Variants in MACROD2 observed in about 807,000 individuals in gnomAD.
The protein encoded by MACROD2 is ADP-ribose glycohydrolase MACROD2.
A neutral mutation model predicts 70.4 loss-of-function variants in MACROD2; 36 were observed. The observed-to-expected ratio is 0.51, with a 90% confidence interval of 0.39 to 0.68. The LOEUF (loss-of-function observed/expected upper bound fraction) is 0.68. Among genes scored for constraint, MACROD2 ranks in the 30% least tolerant of loss-of-function variants. The probability of loss-of-function intolerance (pLI) is 0.00; values close to 1 mark genes in which losing one functional copy is unlikely to be tolerated. For synonymous variants in MACROD2, 172 were observed against 178.8 expected, an observed-to-expected ratio of 0.96 and a Z score of 0.30; for missense variants, 496 against 538.4, an observed-to-expected ratio of 0.92 and a Z score of 0.78.
chr20:15,081,662 G>A (rs888305978), intron 5 of MACROD2, among the ~76,000 whole-genome samples: 8 of 152,078 alleles, frequency 5.3e-5, no homozygotes, highest in South Asian at 2.1e-4. Context: ...AAGTTGACAC[G>A]CTATAACCAA....
chr20:14,279,895 G>A (rs1282782817), intron 3 of MACROD2, among the ~76,000 whole-genome samples: 1 of 152,040 alleles, frequency 6.6e-6, no homozygotes, highest in Non-Finnish European at 1.5e-5. Flanking sequence ...TGTCACATGG[G>A]GATTCAATCA....
chr20:15,898,150 A>ATC (rs936901492), intron 10 of MACROD2, among the ~76,000 whole-genome samples: 4 of 151,892 alleles, frequency 2.6e-5, no homozygotes, highest in Admixed American at 2.0e-4. Context: ...ACATAGGCAA[A>ATC]TCTCCCACTA....
intron 2 of MACROD2, among the ~76,000 whole-genome samples, chr20:14,038,319 A>G (rs1022726294): frequency 6.6e-6 from 1 of 152,064 alleles, no homozygotes; most frequent in Admixed American, 6.5e-5. Context: ...GATTCTGTGT[A>G]TTAGACACAT....
chr20:14,880,691 A>G (rs762487561), intron 5 of MACROD2, among the ~76,000 whole-genome samples: 1 of 152,206 alleles, frequency 6.6e-6, no homozygotes, highest in African/African-American at 2.4e-5. Context: ...CCCTCTAATG[A>G]CCAATGAGGA....
chr20:14,047,867 T>C (rs1409239953), intron 2 of MACROD2, among the ~76,000 whole-genome samples: 3 of 152,190 alleles, frequency 2.0e-5, no homozygotes, highest in Admixed American at 2.0e-4. Context: ...AAAAAAGCTT[T>C]AAAATAAAAC....
At chr20:14,773,652 C>A (rs2072199259) in intron 5 of MACROD2, among the ~76,000 whole-genome samples, 1 of 152,008 alleles carries the variant, frequency 6.6e-6, no homozygotes, top group African/African-American at 2.4e-5. Context: ...CCTCTTTCAT[C>A]ACAATATGCC....
intron 4 of MACROD2, among the ~76,000 whole-genome samples, chr20:14,566,382 A>T (rs1438275764): frequency 1.3e-5 from 2 of 151,940 alleles, no homozygotes; most frequent in Non-Finnish European, 2.9e-5. Flanking sequence ...TGTTATGATC[A>T]TGCTTATAAA....
chr20:14,082,259 A>G (rs543452762), intron 2 of MACROD2, among the ~76,000 whole-genome samples: 1 of 138,886 alleles, frequency 7.2e-6, no homozygotes, highest in South Asian at 2.3e-4. Context: ...GCTCACTGCA[A>G]CCTCCACCTC....
chr20:15,128,474 T>C (rs2076082383), intron 5 of MACROD2, among the ~76,000 whole-genome samples: 1 of 152,048 alleles, frequency 6.6e-6, no homozygotes, highest in Admixed American at 6.6e-5. Context: ...TGGATAGGCC[T>C]TTTCTTCCCA....
intron 3 of MACROD2, among the ~76,000 whole-genome samples, chr20:14,279,455 T>C (rs933574386): frequency 6.6e-6 from 1 of 151,748 alleles, no homozygotes; most frequent in African/African-American, 2.4e-5. Context: ...TTTTTTTTTC[T>C]TGTGATAATA....
At chr20:14,629,311 A>C (rs2038909) in intron 4 of MACROD2, among the ~76,000 whole-genome samples, 1 of 152,238 alleles carries the variant, frequency 6.6e-6, no homozygotes, top group South Asian at 2.1e-4. Flanking sequence ...CTACTTCTCC[A>C]TTAAATAAAT....
intron 2 of MACROD2, among the ~76,000 whole-genome samples, chr20:14,013,916 CACCTGCCTCAGGCTCCCAAGGAA>C (rs2052950810): frequency 1.3e-5 from 2 of 151,904 alleles, no homozygotes. Context: ...TCAGGTGATC[CACCTGCCTCAGGCTCCCAAGGAA>C]GCTTGTTTTT....
rs571723831 is a variant in MACROD2, at chr20:14,468,688, T to A, written c.272-24791T>A. ...CACCACACTTGGCTAACTGTCGTAT[T>A]TTTAGTAGAGTTGGGGTTTTATCAT... is the stretch of plus-strand genomic sequence containing the variant. On this transcript the variant is annotated intron_variant, in intron 3 of 17. Coordinates refer to ENST00000684519, the MANE Select transcript of MACROD2 (RefSeq NM_001351661.2). Among the ~76,000 whole-genome samples, 3 of 152,134 alleles carry A rather than the reference T, an allele frequency of 2.0e-5. No individual in the cohort carries two copies. The South Asian group carries it at 6.2e-4, about 32-fold the overall frequency.
intron 7 of MACROD2, among the ~76,000 whole-genome samples, chr20:15,456,361 C>G (rs1300100619): frequency 6.6e-6 from 1 of 152,166 alleles, no homozygotes; most frequent in Non-Finnish European, 1.5e-5. Flanking sequence ...TTGGAGTTCT[C>G]TTCTGCTGAT....
At chr20:14,696,456 C>T (rs746480244) in intron 5 of MACROD2, among the ~76,000 whole-genome samples, 25 of 152,034 alleles carry the variant, frequency 1.6e-4, no homozygotes, top group Non-Finnish European at 3.1e-4. Context: ...ACTTCTCATC[C>T]GCATATGTTG....
chr20:16,033,506 G>T (rs1320533219), intron 15 of MACROD2, among the ~76,000 whole-genome samples: 1 of 152,056 alleles, frequency 6.6e-6, no homozygotes, highest in African/African-American at 2.4e-5. Flanking sequence ...ATATGAAGAG[G>T]TGATTCAGCT....
chr20:15,039,013 T>C (rs1261954740), intron 5 of MACROD2, among the ~76,000 whole-genome samples: 1 of 152,176 alleles, frequency 6.6e-6, no homozygotes, highest in Non-Finnish European at 1.5e-5. Flanking sequence ...TCTCACCCCT[T>C]ATAGAGTCCA....
intron 5 of MACROD2, among the ~76,000 whole-genome samples, chr20:15,119,224 TGCC>T (rs2076013364): frequency 6.6e-6 from 1 of 152,238 alleles, no homozygotes; most frequent in Non-Finnish European, 1.5e-5. Context: ...TCGTAAGTTT[TGCC>T]TATCTAGTTT....
chr20:15,225,357 A>G (rs994815277), intron 5 of MACROD2, among the ~76,000 whole-genome samples: 3 of 152,196 alleles, frequency 2.0e-5, no homozygotes, highest in Admixed American at 6.5e-5. Flanking sequence ...TTAATAAATC[A>G]TATACTCTTT....
Sources: gnomAD v4.1 joint callset for allele counts (sites outside exome capture counted in the v4.1 genomes callset) on GRCh38, gnomAD v4.1.1 for gene constraint, MANE v1.5 for transcripts, NCBI Gene and HGNC (gene_info 2026-07-23, HGNC 2026-07-21) for gene names.